The following SYT10 variants were observed in gnomAD, a reference collection of about 807,000 sequenced individuals.
SYT10 encodes the protein synaptotagmin-10.
In SYT10, 31 loss-of-function variants were observed where a neutral mutation model predicts 51.1. The ratio of observed to expected loss-of-function variants is 0.61; its 90% confidence interval spans 0.46 to 0.82. SYT10 has a LOEUF of 0.82. Ranked by LOEUF, SYT10 falls within the 40% of genes least tolerant of loss-of-function variation. The pLI, the probability that SYT10 is intolerant of heterozygous loss-of-function variation, is 0.00. For synonymous variants in SYT10, 233 were observed against 225.9 expected, an observed-to-expected ratio of 1.03 and a Z score of -0.28; for missense variants, 603 against 634.0, an observed-to-expected ratio of 0.95 and a Z score of 0.53.
At chr12:33,439,164 C>G (rs760373357) in intron 1 of SYT10, among the ~76,000 whole-genome samples, 3 of 152,254 alleles carry the variant, frequency 2.0e-5, no homozygotes, top group Non-Finnish European at 1.5e-5. Context: ...ATGGGAGAAG[C>G]CCGGCAGGTG....
intron 4 of SYT10, among the ~76,000 whole-genome samples, chr12:33,383,256 G>A (rs930365738): frequency 2.0e-5 from 3 of 151,996 alleles, no homozygotes; most frequent in Admixed American, 2.0e-4. Flanking sequence ...ATTGGGTTGA[G>A]TACACTAGAT....
At chr12:33,433,467 G>A (rs773500982) in intron 1 of SYT10, among the ~76,000 whole-genome samples, 1 of 152,096 alleles carries the variant, frequency 6.6e-6, no homozygotes, top group Non-Finnish European at 1.5e-5. Flanking sequence ...TTTAATATCT[G>A]TTTTCACTAC....
rs1265045678 is a variant in SYT10, at chr12:33,439,491, C to T, written c.32G>A (p.Ser11Asn). MSFHKEDGVNSLCQKALHIVT... is the reference protein window; with the variant it reads MSFHKEDGVNNLCQKALHIVT... ...GATGTGCAGAGCCTTCTGGCACAGA[C>T]TGTTCACTCCGTCCTCCTTGTGGAA... Residue 11 changes from serine (S) to asparagine (N), a missense_variant, in exon 1 of 7, where the codon AGT becomes AAT. Physicochemically the swap from Ser to Asn is conservative, Grantham distance 46 (BLOSUM62 1). Coordinates refer to ENST00000228567, the MANE Select transcript of SYT10 (RefSeq NM_198992.4). 1 of 1,614,002 alleles carries T rather than the reference C, an allele frequency of 6.2e-7. No homozygotes were observed. Among genetic ancestry groups the T allele is most frequent in the Non-Finnish European group, 8.5e-7 (1 of 1,179,938 alleles).
chr12:33,413,087 C>T (rs570656705), intron 2 of SYT10, among the ~76,000 whole-genome samples: 73 of 152,090 alleles, frequency 4.8e-4, no homozygotes, highest in Non-Finnish European at 9.6e-4. Context: ...GTATCAGTGA[C>T]TGAAGATCAA....
At chr12:33,398,560 C>G (rs1241095629) in intron 3 of SYT10, among the ~76,000 whole-genome samples, 8 of 152,050 alleles carry the variant, frequency 5.3e-5, no homozygotes, top group Non-Finnish European at 1.2e-4. Flanking sequence ...CACTGAATCA[C>G]AGCACACAGT....
intron 3 of SYT10, among the ~76,000 whole-genome samples, chr12:33,391,134 G>T (rs1171383404): frequency 6.6e-6 from 1 of 151,978 alleles, no homozygotes; most frequent in Non-Finnish European, 1.5e-5. Flanking sequence ...ACGGGGTTTC[G>T]CCATGTTGGC....
intron 3 of SYT10, among the ~76,000 whole-genome samples, chr12:33,393,287 T>C (rs1284670637): frequency 6.6e-6 from 1 of 152,182 alleles, no homozygotes; most frequent in East Asian, 1.9e-4. Context: ...ATAACAACTC[T>C]TCTCTTCCTC....
At chr12:33,431,614 G>A (rs1430036743) in intron 1 of SYT10, among the ~76,000 whole-genome samples, 1 of 152,056 alleles carries the variant, frequency 6.6e-6, no homozygotes, top group African/African-American at 2.4e-5. Context: ...TTTGAAATCA[G>A]AATGTTATCT....
At chr12:33,390,922 G>GT (rs917729977) in intron 3 of SYT10, among the ~76,000 whole-genome samples, 42 of 150,558 alleles carry the variant, frequency 2.8e-4, no homozygotes, top group East Asian at 5.9e-4. Flanking sequence ...GTTAAATTAC[G>GT]TTTTTTTTTG....
At chr12:33,391,319 G>A (rs1356092871) in intron 3 of SYT10, among the ~76,000 whole-genome samples, 2 of 152,004 alleles carry the variant, frequency 1.3e-5, no homozygotes, top group Non-Finnish European at 2.9e-5. Flanking sequence ...TGGGAAGAGC[G>A]ATGAAAGATA....
chr12:33,378,914 A>G (rs1866089446), intron 6 of SYT10, among the ~76,000 whole-genome samples: 1 of 152,144 alleles, frequency 6.6e-6, no homozygotes, highest in Admixed American at 6.6e-5. Flanking sequence ...ATGAAGTCAG[A>G]TAAAGACTTG....
intron 3 of SYT10, among the ~76,000 whole-genome samples, chr12:33,394,106 C>G (rs1386336697): frequency 3.3e-5 from 5 of 151,656 alleles, no homozygotes; most frequent in Admixed American, 6.6e-5. Flanking sequence ...TGTTTGGGCA[C>G]AATTTTCTGT....
At chr12:33,410,922 T>C (rs1447161789) in intron 2 of SYT10, among the ~76,000 whole-genome samples, 1 of 152,232 alleles carries the variant, frequency 6.6e-6, no homozygotes, top group Non-Finnish European at 1.5e-5. Context: ...CAGTAAAAGC[T>C]AACATAGGAG....
At chr12:33,413,869 A>G (rs1866429947) in intron 2 of SYT10, among the ~76,000 whole-genome samples, 2 of 152,218 alleles carry the variant, frequency 1.3e-5, no homozygotes, top group African/African-American at 2.4e-5. Context: ...AAATGCTCCA[A>G]TTAAAAGACA....
intron 2 of SYT10, among the ~76,000 whole-genome samples, chr12:33,413,456 G>A (rs2138421296): frequency 6.6e-6 from 1 of 152,268 alleles, no homozygotes; most frequent in East Asian, 1.9e-4. Context: ...ACCCACAAAG[G>A]GAAGCCCATC....
At chr12:33,392,130 T>G (rs1466319532) in intron 3 of SYT10, among the ~76,000 whole-genome samples, 4 of 152,236 alleles carry the variant, frequency 2.6e-5, no homozygotes, top group Admixed American at 1.3e-4. Flanking sequence ...TTATTGGACC[T>G]TATTTCTCTA....
At chr12:33,425,105 C>G (rs1415091226) in intron 2 of SYT10, among the ~76,000 whole-genome samples, 1 of 151,946 alleles carries the variant, frequency 6.6e-6, no homozygotes, top group South Asian at 2.1e-4. Flanking sequence ...TTCTAGTAAC[C>G]AATATGACCC....
intron 2 of SYT10, among the ~76,000 whole-genome samples, chr12:33,412,940 G>A (rs1216522049): frequency 1.3e-5 from 2 of 152,100 alleles, no homozygotes; most frequent in Non-Finnish European, 2.9e-5. Context: ...CTTGAAAAAA[G>A]ATTAGACGAA....
At chr12:33,423,584 T>C (rs1591996261) in intron 2 of SYT10, among the ~76,000 whole-genome samples, 1 of 152,108 alleles carries the variant, frequency 6.6e-6, no homozygotes, top group East Asian at 1.9e-4. Flanking sequence ...CTGCAAGGAA[T>C]TCATCCCAAG....
Sources: allele counts gnomAD v4.1 joint callset (sites outside exome capture counted in the v4.1 genomes callset), GRCh38; gene constraint gnomAD v4.1.1; transcripts MANE v1.5; gene names NCBI Gene and HGNC (gene_info 2026-07-23, HGNC 2026-07-21).